NHSL1: variants seen among roughly 807,000 people sequenced by gnomAD.
The protein encoded by NHSL1 is NHS like 1, also known as NHS-like protein 1.
In NHSL1, 48 loss-of-function variants were observed where a neutral mutation model predicts 95.0. The ratio of observed to expected loss-of-function variants is 0.51; its 90% CI spans 0.40 to 0.64. The LOEUF (loss-of-function observed/expected upper bound fraction) is 0.64, where lower values mean the gene tolerates loss of function less well. Ranked by LOEUF, NHSL1 falls within the 30% of genes least tolerant of loss-of-function variation. NHSL1 has a pLI of 0.00. For synonymous variants in NHSL1, 783 were observed against 833.9 expected (o/e 0.94, Z 1.05); for missense variants, 1,971 against 2,077.7 (o/e 0.95, Z 1.00).
chr6:138,571,723 G>A, exon 1 of NHSL1: 2 of 1,551,974 alleles, frequency 1.3e-6, no homozygotes, highest in Non-Finnish European at 1.7e-6. Context: ...TTCTGGGCTG[G>A]GCTCTGTATA....
At chr6:138,477,398 A>G (rs141022703) in intron 2 of NHSL1, among the ~76,000 whole-genome samples, 232 of 152,310 alleles carry the variant, frequency 1.5e-3, no homozygotes, top group African/African-American at 5.5e-3. Context: ...CCAGGAGTTC[A>G]AGACCAGCCT....
intron 1 of NHSL1, among the ~76,000 whole-genome samples, chr6:138,582,659 T>TC (rs1262307782): frequency 6.6e-6 from 1 of 152,166 alleles, no homozygotes; most frequent in East Asian, 1.9e-4. Context: ...TGTGGGTGTC[T>TC]CCCCTGGGCT....
chr6:138,575,213 T>C (rs1224423215), upstream of NHSL1, among the ~76,000 whole-genome samples: 3 of 152,190 alleles, frequency 2.0e-5, no homozygotes, highest in Non-Finnish European at 2.9e-5. Context: ...TGCTATTTTT[T>C]ATTTACCAGA....
chr6:138,461,155 G>GT (rs140345011), intron 3 of NHSL1, among the ~76,000 whole-genome samples: 8,412 of 150,274 alleles, frequency 0.056, 633 homozygotes, highest in East Asian at 0.29. Flanking sequence ...AAAGAAGGAA[G>GT]TTTTTTTTTT....
chr6:138,651,117 A>G, intron 1 of NHSL1: 1 of 344,890 alleles, frequency 2.9e-6, no homozygotes, highest in Non-Finnish European at 5.6e-6. Flanking sequence ...CAACCAACTT[A>G]ATGTAATATC....
chr6:138,561,545 G>A (rs1783410957), intron 1 of NHSL1, among the ~76,000 whole-genome samples: 1 of 152,176 alleles, frequency 6.6e-6, no homozygotes, highest in African/African-American at 2.4e-5. Flanking sequence ...GTTGCTCCCA[G>A]TAACTTCACA....
intron 1 of NHSL1, among the ~76,000 whole-genome samples, chr6:138,562,302 G>A (rs1054762832): frequency 2.6e-5 from 4 of 152,162 alleles, no homozygotes; most frequent in African/African-American, 7.2e-5. Context: ...CACAGATGCC[G>A]TTGCTAAGGG....
At chr6:138,617,495 A>G (rs1226814027) in intron 1 of NHSL1, among the ~76,000 whole-genome samples, 1 of 152,160 alleles carries the variant, frequency 6.6e-6, no homozygotes, top group Non-Finnish European at 1.5e-5. Flanking sequence ...GTACACTTTC[A>G]TTTGCTCATC....
At chr6:138,499,497 A>C (rs1267514517), upstream of NHSL1, 1 of 1,186,744 alleles carries the variant, frequency 8.4e-7, no homozygotes, top group Non-Finnish European at 1.1e-6. Context: ...TTGAACCTGA[A>C]AAACTCCTAC....
At chr6:138,526,075 A>C (rs1415343865) in intron 1 of NHSL1, among the ~76,000 whole-genome samples, 1 of 149,326 alleles carries the variant, frequency 6.7e-6, no homozygotes, top group Non-Finnish European at 1.5e-5. Context: ...CCTGAGCAAC[A>C]GAGCGAGACT....
At chr6:138,649,924 C>T (rs755817237) in intron 1 of NHSL1, among the ~76,000 whole-genome samples, 11 of 152,156 alleles carry the variant, frequency 7.2e-5, no homozygotes, top group Admixed American at 3.9e-4. Flanking sequence ...GAGCCATTCT[C>T]CAGCCCTCTG....
chr6:138,621,057 A>C (rs140953070), intron 1 of NHSL1, among the ~76,000 whole-genome samples: 3,017 of 152,282 alleles, frequency 0.02, 54 homozygotes, highest in Non-Finnish European at 0.026. Context: ...TGGACACACC[A>C]GGCCCCAGTG....
chr6:138,525,468 T>C (rs1484061623), intron 1 of NHSL1, among the ~76,000 whole-genome samples: 1 of 151,340 alleles, frequency 6.6e-6, no homozygotes, highest in Non-Finnish European at 1.5e-5. Context: ...GTCGAGGATG[T>C]AGTGAGCTGA....
chr6:138,503,907 A>G (rs1780820453), upstream of NHSL1, among the ~76,000 whole-genome samples: 1 of 151,964 alleles, frequency 6.6e-6, no homozygotes. Flanking sequence ...TCCATGAACC[A>G]GACAGGTAAA....
chr6:138,427,350 G>A (rs1775331849), intron 7 of NHSL1, among the ~76,000 whole-genome samples: 1 of 151,910 alleles, frequency 6.6e-6, no homozygotes, highest in Non-Finnish European at 1.5e-5. Flanking sequence ...TGAGGCAGGA[G>A]AATCATTCGA....
chr6:138,554,454 T>A (rs1025531178), intron 1 of NHSL1, among the ~76,000 whole-genome samples: 1 of 152,226 alleles, frequency 6.6e-6, no homozygotes, highest in African/African-American at 2.4e-5. Flanking sequence ...CAAGTTCATG[T>A]ACCAATCAAC....
intron 1 of NHSL1, among the ~76,000 whole-genome samples, chr6:138,645,755 C>T (rs1040199548): frequency 6.6e-6 from 1 of 152,102 alleles, no homozygotes; most frequent in African/African-American, 2.4e-5. Context: ...ATCTACTCAC[C>T]TCAGCCTCCC....
At chr6:138,451,128 T>C (rs1333967975) in intron 3 of NHSL1, among the ~76,000 whole-genome samples, 1 of 152,192 alleles carries the variant, frequency 6.6e-6, no homozygotes, top group Non-Finnish European at 1.5e-5. Flanking sequence ...CTACATGATC[T>C]ACCAGCTGGC....
chr6:138,611,489 G>A (rs963954638), intron 1 of NHSL1, among the ~76,000 whole-genome samples: 1 of 152,218 alleles, frequency 6.6e-6, no homozygotes, highest in Non-Finnish European at 1.5e-5. Context: ...GCTCACGCCT[G>A]TAATCCCAGC....
Sources: allele counts gnomAD v4.1 joint callset (sites outside exome capture counted in the v4.1 genomes callset), GRCh38; gene constraint gnomAD v4.1.1; transcripts MANE v1.5; gene names NCBI Gene and HGNC (gene_info 2026-07-23, HGNC 2026-07-21).